The following NRG3 variants were observed in gnomAD, a reference collection of about 807,000 sequenced individuals.
NRG3 encodes pro-neuregulin-3, membrane-bound isoform.
NRG3 carries 31 observed loss-of-function variants against 66.9 expected under a neutral mutation model. That is an observed-to-expected ratio of 0.46 (90% CI 0.35 to 0.63). NRG3 has a LOEUF of 0.63. NRG3 is among the 20% of genes least tolerant of loss of function. The pLI is 0.00. For synonymous variants in NRG3, 393 were observed against 359.4 expected (o/e 1.09, Z -1.06); for missense variants, 910 against 878.9 (o/e 1.04, Z -0.45).
chr10:82,412,857 T>G (rs1205125360), intron 2 of NRG3, among the ~76,000 whole-genome samples: 1 of 152,160 alleles, frequency 6.6e-6, no homozygotes, highest in Non-Finnish European at 1.5e-5. Context: ...AAACACTTTC[T>G]TAGCTCTTCC....
chr10:82,780,134 GGGTT>G (rs1565307532), intron 3 of NRG3, among the ~76,000 whole-genome samples: 2 of 152,102 alleles, frequency 1.3e-5, no homozygotes, highest in African/African-American at 4.8e-5. Context: ...ATGGGCATTT[GGGTT>G]GGTTCCAAGT....
At chr10:82,983,167 A>T (rs959243351) in intron 8 of NRG3, among the ~76,000 whole-genome samples, 1 of 152,200 alleles carries the variant, frequency 6.6e-6, no homozygotes, top group Non-Finnish European at 1.5e-5. Context: ...GGGAAATGCT[A>T]TCCTGGCTAC....
At chr10:82,614,326 C>T (rs1382994388) in intron 2 of NRG3, among the ~76,000 whole-genome samples, 1 of 152,172 alleles carries the variant, frequency 6.6e-6, no homozygotes, top group Non-Finnish European at 1.5e-5. Context: ...ATGAGTTTGA[C>T]ATGGTTATGC....
intron 1 of NRG3, among the ~76,000 whole-genome samples, chr10:82,019,380 T>G (rs1015355331): frequency 2.6e-5 from 4 of 152,244 alleles, no homozygotes; most frequent in African/African-American, 4.8e-5. Flanking sequence ...TCATCTGGGA[T>G]TATGATCTAA....
intron 1 of NRG3, among the ~76,000 whole-genome samples, chr10:82,127,689 G>A (rs55940660): frequency 0.11 from 16,192 of 151,918 alleles, 1,119 homozygotes; most frequent in South Asian, 0.15. Context: ...GGTGGCATCA[G>A]CCTATCCTAG....
chr10:82,646,176 A>G (rs1221561427), intron 2 of NRG3, among the ~76,000 whole-genome samples: 2 of 152,166 alleles, frequency 1.3e-5, no homozygotes, highest in Admixed American at 6.5e-5. Context: ...AGCTGACTCT[A>G]TTATGCCCTT....
intron 2 of NRG3, among the ~76,000 whole-genome samples, chr10:82,711,214 G>A (rs1425055325): frequency 6.6e-6 from 1 of 152,106 alleles, no homozygotes. Context: ...GAGTAGCTAG[G>A]ACTACAAGTG....
At chr10:82,333,962 G>A (rs1339017053) in intron 1 of NRG3, among the ~76,000 whole-genome samples, 11 of 152,000 alleles carry the variant, frequency 7.2e-5, no homozygotes, top group Admixed American at 7.2e-4. Flanking sequence ...GGCTGAGGCG[G>A]GCGGATCACG....
In NRG3 at chr10:82,611,933, G is replaced by T. The variant is rs574977387; in HGVS notation, c.954-126644G>T. ...CTCCACATCCTCTCCAGCATCTGTT[G>T]TTTCTGACTTTTTAACGATCAACAT... On this transcript the variant is annotated intron_variant, in intron 2 of 8. Coordinates refer to ENST00000372141, the MANE Select transcript of NRG3 (RefSeq NM_001010848.4). Among the ~76,000 whole-genome samples, 400 of 152,242 alleles carry T rather than the reference G, an allele frequency of 2.6e-3. 2 individuals are homozygous for T. The highest frequency in any genetic ancestry group is 9.4e-3 in the African/African-American group (391 of 41,550).
intron 1 of NRG3, among the ~76,000 whole-genome samples, chr10:82,050,079 A>G (rs1316739699): frequency 1.3e-5 from 2 of 151,998 alleles, no homozygotes; most frequent in African/African-American, 2.4e-5. Context: ...CTGAACAGAT[A>G]TGCTAAGATG....
chr10:82,760,450 T>A (rs11817016), intron 3 of NRG3, among the ~76,000 whole-genome samples: 14,326 of 152,034 alleles, frequency 0.094, 2,119 homozygotes, highest in African/African-American at 0.32. Flanking sequence ...AGCAGATAAA[T>A]ATAGCATACC....
Position 82,105,490 on chromosome 10 carries a change from C to T in NRG3, c.823+229327C>T, listed in dbSNP as rs145455971. Reference sequence around the variant, plus strand: ...GGATAGGGGACCCTGTCTGGCATTGCAGCATTAATATATGTACATGGAATA... The same window carrying T: ...GGATAGGGGACCCTGTCTGGCATTGTAGCATTAATATATGTACATGGAATA... On this transcript the variant is annotated intron_variant, in intron 1 of 8. Transcript: ENST00000372141. Among the ~76,000 whole-genome samples, 27 of 152,226 alleles carry T rather than the reference C, an allele frequency of 1.8e-4. No individual in the cohort carries two copies. The East Asian group carries it at 5.2e-3, about 29-fold the overall frequency.
intron 1 of NRG3, among the ~76,000 whole-genome samples, chr10:82,342,283 T>C (rs1352223132): frequency 6.6e-6 from 1 of 151,974 alleles, no homozygotes; most frequent in Admixed American, 6.6e-5. Context: ...GGGTATATAC[T>C]CAGAAGTGGG....
intron 2 of NRG3, among the ~76,000 whole-genome samples, chr10:82,674,384 G>A (rs2053516992): frequency 6.6e-6 from 1 of 152,016 alleles, no homozygotes; most frequent in South Asian, 2.1e-4. Context: ...TGAGAGTTTA[G>A]AATCCCTAGC....
chr10:82,491,293 A>AATATATATATATATATATATACAT (rs1554942719), intron 2 of NRG3, among the ~76,000 whole-genome samples: 5 of 82,184 alleles, frequency 6.1e-5, no homozygotes, highest in East Asian at 3.8e-4. Flanking sequence ...GTTCCCATAA[A>AATATATATATATATATATATACAT]ATATATATAT....
intron 2 of NRG3, among the ~76,000 whole-genome samples, chr10:82,385,584 A>G (rs933197158): frequency 2.0e-5 from 3 of 152,170 alleles, no homozygotes; most frequent in Non-Finnish European, 4.4e-5. Flanking sequence ...GATTAAGCGT[A>G]ATTAAAAATG....
chr10:82,618,775 G>A (rs1471011069), intron 2 of NRG3, among the ~76,000 whole-genome samples: 1 of 151,904 alleles, frequency 6.6e-6, no homozygotes, highest in African/African-American at 2.4e-5. Context: ...AAATTATGGT[G>A]TCATAATTAT....
intron 6 of NRG3, among the ~76,000 whole-genome samples, chr10:82,971,784 T>G (rs1025977198): frequency 6.6e-6 from 1 of 152,174 alleles, no homozygotes; most frequent in Non-Finnish European, 1.5e-5. Context: ...AGATAAAAAT[T>G]TATGAATATT....
chr10:82,896,008 G>C (rs1056257381), intron 4 of NRG3, among the ~76,000 whole-genome samples: 1 of 152,140 alleles, frequency 6.6e-6, no homozygotes, highest in Non-Finnish European at 1.5e-5. Context: ...GTGCCTCTGT[G>C]GTCTATGAGT....
Sources: allele counts gnomAD v4.1 joint callset (sites outside exome capture counted in the v4.1 genomes callset), GRCh38; gene constraint gnomAD v4.1.1; transcripts MANE v1.5; gene names NCBI Gene and HGNC (gene_info 2026-07-23, HGNC 2026-07-21).